The following CAST variants were observed in gnomAD, a reference collection of about 807,000 sequenced individuals.
CAST encodes calpastatin.
In CAST, 76 loss-of-function variants were observed where a neutral mutation model predicts 119.6. The observed-to-expected ratio is 0.64, with a 90% CI of 0.53 to 0.77. The LOEUF is 0.77. CAST is among the 30% of genes least tolerant of loss of function. CAST has a pLI of 0.00. For synonymous variants in CAST, 319 were observed against 331.6 expected (o/e 0.96, Z 0.41); for missense variants, 953 against 946.5 (o/e 1.01, Z -0.09).
intron 1 of CAST, among the ~76,000 whole-genome samples, chr5:96,675,241 G>C (rs1750565518): frequency 6.6e-6 from 1 of 152,166 alleles, no homozygotes; most frequent in Non-Finnish European, 1.5e-5. Flanking sequence ...CTACCGTGCT[G>C]AAAACTTGAG....
the CAST span, among the ~76,000 whole-genome samples, chr5:96,330,477 T>A: frequency 5.9e-5 from 9 of 152,224 alleles, no homozygotes; most frequent in Admixed American, 4.6e-4. Context: ...GTTGGGGATT[T>A]TTTAATGGTC....
At chr5:96,371,361 C>G in the CAST span, among the ~76,000 whole-genome samples, 1 of 152,140 alleles carries the variant, frequency 6.6e-6, no homozygotes, top group Non-Finnish European at 1.5e-5. Context: ...CTGTGATAGC[C>G]CATGGGGGAG....
chr5:96,231,906 A>G, the CAST span, among the ~76,000 whole-genome samples: 2 of 152,060 alleles, frequency 1.3e-5, no homozygotes, highest in Admixed American at 1.3e-4. Flanking sequence ...GGAAAATGAA[A>G]ACTGGTTCAT....
At chr5:95,963,765 A>C in the CAST span, among the ~76,000 whole-genome samples, 15 of 144,702 alleles carry the variant, frequency 1.0e-4, no homozygotes, top group African/African-American at 4.0e-4. Context: ...GACTGAGCAC[A>C]TAGCTAAAGC....
chr5:96,520,772 C>T (rs888703478), upstream of CAST, among the ~76,000 whole-genome samples: 1 of 152,180 alleles, frequency 6.6e-6, no homozygotes, highest in Non-Finnish European at 1.5e-5. Flanking sequence ...GTCATCATTT[C>T]ATTGCTATAA....
the CAST span, among the ~76,000 whole-genome samples, chr5:96,154,469 A>C: frequency 6.6e-6 from 1 of 152,164 alleles, no homozygotes; most frequent in Non-Finnish European, 1.5e-5. Flanking sequence ...AGTTTTCCCT[A>C]TTGGTAACAT....
At chr5:96,702,654 T>G in intron 3 of CAST, 4 of 470,446 alleles carry the variant, frequency 8.5e-6, no homozygotes, top group South Asian at 8.9e-5. Flanking sequence ...CGTTATTGAG[T>G]GAGCCAGTCT....
In CAST at chr5:96,599,068, C is replaced by T. The variant is rs370036406; in HGVS notation, c.60+69188C>T. On this transcript the variant is annotated intron_variant, in intron 1 of 11. Transcript: ENST00000505143. ...ACTCCATAATCACATGAACCAATTC[C>T]GTAGCATGGATACATACTCATTCTG... is the stretch of plus-strand genomic sequence containing the variant. Among the ~76,000 whole-genome samples, 120 of 152,330 alleles carry T rather than the reference C, an allele frequency of 7.9e-4. 1 individual carries two copies. In the South Asian group the frequency reaches 0.024, roughly 30 times the overall value.
the CAST span, among the ~76,000 whole-genome samples, chr5:96,441,731 G>C: frequency 1.3e-5 from 2 of 152,092 alleles, no homozygotes; most frequent in Non-Finnish European, 2.9e-5. Context: ...CATCAGTAGA[G>C]GTCAGATCAT....
intron 2 of CAST, among the ~76,000 whole-genome samples, chr5:96,690,247 T>A (rs560525925): frequency 6.6e-6 from 1 of 152,140 alleles, no homozygotes; most frequent in African/African-American, 2.4e-5. Context: ...TCTATTTTTT[T>A]TTGAGATGGG....
rs1768306277 is a variant in CAST, at chr5:96,762,382, A to T, written c.1932+10A>T. On this transcript the variant is annotated intron_variant, in intron 25 of 31. Transcript: ENST00000675179. ...ACCCCGTGATACCTCGGTAAGCAGC[A>T]CATCTTATTTGGGAGATAAATGTTT... The T allele has an allele frequency of 6.4e-7, 1 of 1,563,606 alleles. No individual in the cohort carries two copies. The highest frequency in any genetic ancestry group is 8.6e-7 in the Non-Finnish European group (1 of 1,158,402).
the CAST span, among the ~76,000 whole-genome samples, chr5:95,988,678 T>C: frequency 1.3e-5 from 2 of 152,198 alleles, no homozygotes; most frequent in Non-Finnish European, 2.9e-5. Context: ...GATGGGTTTC[T>C]TTACCTTTCT....
the CAST span, among the ~76,000 whole-genome samples, chr5:96,324,078 A>G: frequency 2.6e-5 from 4 of 152,216 alleles, no homozygotes; most frequent in East Asian, 7.7e-4. Context: ...GATGGCCTTC[A>G]GATACTAACC....
the CAST span, among the ~76,000 whole-genome samples, chr5:96,420,040 C>T: frequency 1.3e-5 from 2 of 152,128 alleles, no homozygotes; most frequent in Non-Finnish European, 2.9e-5. Context: ...TAAGTCTCCT[C>T]AAGTGTCTGG....
At chr5:96,591,840 C>A (rs1161291956) in intron 1 of CAST, among the ~76,000 whole-genome samples, 1 of 152,150 alleles carries the variant, frequency 6.6e-6, no homozygotes. Flanking sequence ...TCTGTGCTTA[C>A]CAAAGACTGA....
the CAST span, among the ~76,000 whole-genome samples, chr5:96,029,387 CAT>C: frequency 2.0e-5 from 3 of 151,834 alleles, no homozygotes; most frequent in Admixed American, 6.6e-5. Flanking sequence ...TTTTAAAACT[CAT>C]AAAATGTAAA....
chr5:96,762,692 C>T (rs1768422234), intron 25 of CAST: 1 of 305,502 alleles, frequency 3.3e-6, no homozygotes, highest in Admixed American at 4.5e-5. Context: ...AGTTCTTTAG[C>T]TTTCCTGATA....
At chr5:96,097,370 A>G in the CAST span, among the ~76,000 whole-genome samples, 2 of 150,202 alleles carry the variant, frequency 1.3e-5, no homozygotes, top group Admixed American at 1.3e-4. Context: ...GTTCAGAGGT[A>G]CAAGTGCAGG....
At chr5:96,021,924 G>T in the CAST span, among the ~76,000 whole-genome samples, 1 of 152,182 alleles carries the variant, frequency 6.6e-6, no homozygotes, top group Non-Finnish European at 1.5e-5. Flanking sequence ...CACATCCGTG[G>T]ATTCAACCAA....
Sources: gnomAD v4.1 joint callset for allele counts (sites outside exome capture counted in the v4.1 genomes callset) on GRCh38, gnomAD v4.1.1 for gene constraint, MANE v1.5 for transcripts, NCBI Gene and HGNC (gene_info 2026-07-23, HGNC 2026-07-21) for gene names.